The following NCF2 variants were observed in gnomAD, a reference collection of about 807,000 sequenced individuals.
NCF2 encodes the protein neutrophil cytosolic factor 2.
NCF2 carries 45 observed loss-of-function variants against 70.9 expected under a neutral mutation model. That is an observed-to-expected ratio of 0.63 (90% CI 0.50 to 0.81). NCF2 has a LOEUF of 0.81. Among genes scored for constraint, NCF2 ranks in the 40% least tolerant of loss-of-function variants. NCF2 has a pLI of 0.00. For missense variants in NCF2, 522 were observed against 631.6 expected, an observed-to-expected ratio of 0.83 and a Z score of 1.86; for synonymous variants, 203 against 233.6, an observed-to-expected ratio of 0.87 and a Z score of 1.19.
At chr1:183,562,529 C>G (rs905917134) in intron 13 of NCF2, among the ~76,000 whole-genome samples, 3 of 152,074 alleles carry the variant, frequency 2.0e-5, no homozygotes, top group African/African-American at 7.2e-5. Context: ...ATACACTGCC[C>G]TTTTCTAGGC....
intron 1 of NCF2, 22 bp downstream of exon 1, chr1:183,590,134 G>A (rs751644304): frequency 2.4e-5 from 38 of 1,613,866 alleles, no homozygotes; most frequent in East Asian, 6.7e-5. Flanking sequence ...GAGGAGGCCC[G>A]GAAAGAGGCA....
At chr1:183,559,184 G>A (rs181922430) in intron 14 of NCF2, among the ~76,000 whole-genome samples, 19 of 152,198 alleles carry the variant, frequency 1.2e-4, no homozygotes, top group Admixed American at 1.0e-3. Context: ...AACTCTTCCA[G>A]GGATTCTTAG....
Position 183,567,216 on chromosome 1 carries a change from C to G in NCF2, c.843G>C (p.Met281Ile). The G allele has an allele frequency of 6.2e-7, 1 of 1,614,184 alleles. No homozygotes were observed. The highest frequency in any genetic ancestry group is 1.1e-5 in the South Asian group (1 of 91,084). Residue 281 changes from methionine to isoleucine, a missense_variant, in exon 8 of 15, where the codon ATG becomes ATC. Transcript: ENST00000367535. Reference sequence around the variant, plus strand: ...ATCCTCTGCATACCTGCCCGTTGAACATGACCGTGGCCCAGTTATCATTGC... The same window carrying G: ...ATCCTCTGCATACCTGCCCGTTGAAGATGACCGTGGCCCAGTTATCATTGC... ...KKGNDNWATV[M>I]FNGQKGLVPC...
chr1:183,564,161 A>G (rs1406119385), intron 10 of NCF2, 131 bp from the exon 11 acceptor site: 21 of 908,248 alleles, frequency 2.3e-5, no homozygotes, highest in Admixed American at 1.1e-4. Context: ...TTGTGGGGCA[A>G]TTATTAACCT....
intron 1 of NCF2, among the ~76,000 whole-genome samples, chr1:183,589,054 T>A (rs1558108403): frequency 6.6e-6 from 1 of 151,940 alleles, no homozygotes; most frequent in Non-Finnish European, 1.5e-5. Flanking sequence ...CAGCCAGAGG[T>A]GGGGGGTCCT....
At chr1:183,580,562 G>T (rs1272620712) in intron 2 of NCF2, among the ~76,000 whole-genome samples, 4 of 152,180 alleles carry the variant, frequency 2.6e-5, no homozygotes, top group Admixed American at 1.3e-4. Flanking sequence ...CTACCAACGT[G>T]CCTTCCTCCC....
Position 183,556,076 on chromosome 1 carries a change from A to G in NCF2, c.*42T>C. On this transcript the variant is annotated 3_prime_UTR_variant, in exon 15 of 15. Transcript: ENST00000367535. ...GGGTGCTAAATCTTACAAACAAGTAATAGGGCTTCATTTTCTTCAGCTTTG... is the reference window on the plus strand; with the variant it reads ...GGGTGCTAAATCTTACAAACAAGTAGTAGGGCTTCATTTTCTTCAGCTTTG... 6.6e-7 allele frequency: 1 copy of G among 1,518,806 alleles called. No homozygotes were observed. The highest frequency in any genetic ancestry group is 9.1e-7 in the Non-Finnish European group (1 of 1,093,180). The allele number at this position is 1,518,806 out of a possible 1,614,324, so 94.1% of individuals were successfully genotyped here. A position where few individuals can be genotyped will look rare whatever the true frequency, so the allele number is the denominator to read the frequency against.
At chr1:183,583,164 TG>T (rs1174540768) in intron 2 of NCF2, among the ~76,000 whole-genome samples, 1 of 152,196 alleles carries the variant, frequency 6.6e-6, no homozygotes, top group Non-Finnish European at 1.5e-5. Flanking sequence ...GCTATTCTCC[TG>T]CCTCAGCGTC....
At chr1:183,570,626 C>A in intron 6 of NCF2, 154 bp downstream of exon 6, 1 of 763,122 alleles carries the variant, frequency 1.3e-6, no homozygotes, top group Non-Finnish European at 2.3e-6. Context: ...GAAACCAGGA[C>A]TGAGAGAGGG....
At position 183,577,667 on chromosome 1, in the gene NCF2, G is replaced by A. The variant is rs119103276; in HGVS notation, c.298C>T (p.Gln100Ter). Residue 100 changes from glutamine to a stop codon, truncating the protein, a stop_gained, in exon 3 of 15, where the codon CAG becomes TAG. Coordinates refer to ENST00000367535, the MANE Select transcript of NCF2 (RefSeq NM_000433.4). LOFTEE classifies it high-confidence loss of function. Reference sequence around the variant, plus strand: ...TCTATCAGCTGGTTCCCTCGAAGCTGAATCAAGGCTTCTTTAAGGTCTTTG... The same window carrying A: ...TCTATCAGCTGGTTCCCTCGAAGCTAAATCAAGGCTTCTTTAAGGTCTTTG... ...AIKDLKEALI[Q>*]LRGNQLIDYK... 40 of 1,613,960 alleles carry A rather than the reference G, an allele frequency of 2.5e-5. No individual in the cohort carries two copies. The highest frequency in any genetic ancestry group is 3.4e-5 in the Non-Finnish European group (40 of 1,179,948).
intron 2 of NCF2, among the ~76,000 whole-genome samples, chr1:183,585,440 A>G (rs369678217): frequency 6.6e-6 from 1 of 152,286 alleles, no homozygotes; most frequent in South Asian, 2.1e-4. Flanking sequence ...CGTGGCCAAC[A>G]TGGTGAAACC....
upstream of NCF2, among the ~76,000 whole-genome samples, chr1:183,592,125 T>G (rs886175986): frequency 6.6e-6 from 1 of 152,166 alleles, no homozygotes; most frequent in Non-Finnish European, 1.5e-5. Context: ...AGATGCAAAC[T>G]CTTGTTTTGT....
At chr1:183,573,162 G>A (rs773499272) in intron 5 of NCF2, 23 bp downstream of exon 5, 1 of 1,608,692 alleles carries the variant, frequency 6.2e-7, no homozygotes, top group Non-Finnish European at 8.5e-7. Context: ...GAGACTCAGG[G>A]GAAGCTGAGC....
intron 2 of NCF2, among the ~76,000 whole-genome samples, chr1:183,579,523 G>C (rs754301658): frequency 6.6e-6 from 1 of 151,916 alleles, no homozygotes; most frequent in Non-Finnish European, 1.5e-5. Context: ...TCAGGAGATC[G>C]AGACCATCCT....
At chr1:183,583,410 C>T (rs573191136) in intron 2 of NCF2, among the ~76,000 whole-genome samples, 87 of 152,286 alleles carry the variant, frequency 5.7e-4, no homozygotes, top group African/African-American at 1.8e-3. Context: ...GCCCCCATCC[C>T]GCTTACTTAA....
chr1:183,567,085 A>C, intron 8 of NCF2, 97 bp from the exon 9 acceptor site: 1 of 1,605,748 alleles, frequency 6.2e-7, no homozygotes, highest in Non-Finnish European at 8.5e-7. Context: ...GGAAGGGATG[A>C]CGAACAGACA....
chr1:183,595,672 A>T (rs991992195), upstream of NCF2, among the ~76,000 whole-genome samples: 3 of 152,202 alleles, frequency 2.0e-5, no homozygotes, highest in African/African-American at 7.2e-5. Context: ...CCAGCAATGG[A>T]GGCAGAGAGA....
intron 9 of NCF2, among the ~76,000 whole-genome samples, chr1:183,566,228 GAGAC>G (rs891625238): frequency 9.9e-5 from 15 of 152,168 alleles, no homozygotes; most frequent in Non-Finnish European, 1.9e-4. Context: ...GCACAGTCTA[GAGAC>G]AGACAGTCTC....
chr1:183,557,747 C>T (rs1369864869), intron 14 of NCF2, among the ~76,000 whole-genome samples: 1 of 152,236 alleles, frequency 6.6e-6, no homozygotes. Flanking sequence ...CTCTCCCAAA[C>T]TCCAGACAAT....
Sources: gnomAD v4.1 joint callset for allele counts (sites outside exome capture counted in the v4.1 genomes callset) on GRCh38, gnomAD v4.1.1 for gene constraint, MANE v1.5 for transcripts, NCBI Gene and HGNC (gene_info 2026-07-23, HGNC 2026-07-21) for gene names.